ASNS: variants seen among roughly 807,000 people sequenced by gnomAD.
The protein encoded by ASNS is asparagine synthetase [glutamine-hydrolyzing].
In ASNS, 37 loss-of-function variants were observed where a neutral mutation model predicts 62.6. The ratio of observed to expected loss-of-function variants is 0.59; its 90% CI spans 0.45 to 0.78. The LOEUF is 0.78. Among genes scored for constraint, ASNS ranks in the 30% least tolerant of loss-of-function variants. The probability of loss-of-function intolerance (pLI) is 0.00; values close to 1 mark genes in which losing one functional copy is unlikely to be tolerated. For missense variants in ASNS, 520 were observed against 682.4 expected (o/e 0.76, Z 2.65); for synonymous variants, 207 against 237.9 (o/e 0.87, Z 1.19).
At chr7:97,896,739 C>CATATATATAT in the ASNS span, among the ~76,000 whole-genome samples, 142 of 31,954 alleles carry the variant, frequency 4.4e-3, no homozygotes, top group Middle Eastern at 0.026. Flanking sequence ...CACACACACA[C>CATATATATAT]ACATATATAT....
rs1791859131 is a variant in ASNS at position 97,864,347 on chromosome 7, C to T, written c.399G>A (p.Val133=). ...FVLLDTANKK[V]FLGRDTYGVR... ...CTCCATATGTATCTCTACCCAGGAACACTTTCTTATTGGCAGTATCCAGTA... is the reference window on the plus strand; with the variant it reads ...CTCCATATGTATCTCTACCCAGGAATACTTTCTTATTGGCAGTATCCAGTA... The change falls in exon 4 of 13, where the codon GTG becomes GTA. Residue 133 remains valine (V), a synonymous_variant. Transcript: ENST00000394308. 2 of 1,613,734 alleles carry T rather than the reference C, an allele frequency of 1.2e-6. No homozygotes were observed. The highest frequency in any genetic ancestry group is 1.1e-5 in the South Asian group (1 of 91,084).
intron 12 of ASNS, 93 bp from the exon 13 acceptor site, chr7:97,852,561 G>A (rs556507985): frequency 9.7e-6 from 12 of 1,242,662 alleles, no homozygotes; most frequent in South Asian, 2.6e-5. Flanking sequence ...ATGTTAAGAC[G>A]TGACTGTAAC....
intron 4 of ASNS, chr7:97,863,918 A>T: frequency 4.6e-6 from 1 of 215,520 alleles, no homozygotes; most frequent in Non-Finnish European, 9.2e-6. Flanking sequence ...CTGTGCTATA[A>T]CTGCGCAAAG....
chr7:97,861,400 G>A (rs1791712761), intron 4 of ASNS, among the ~76,000 whole-genome samples: 1 of 152,086 alleles, frequency 6.6e-6, no homozygotes, highest in African/African-American at 2.4e-5. Flanking sequence ...ATATCTGGTT[G>A]CCCCTGTGCC....
At chr7:97,894,480 C>CAAA in the ASNS span, among the ~76,000 whole-genome samples, 222 of 36,470 alleles carry the variant, frequency 6.1e-3, no homozygotes, top group Non-Finnish European at 7.5e-3. Flanking sequence ...TGAGGCTAAC[C>CAAA]AAAAAAAAAA....
chr7:97,859,593 A>G (rs1166689707), intron 4 of ASNS, among the ~76,000 whole-genome samples, 195 bp from the exon 5 acceptor site: 1 of 152,346 alleles, frequency 6.6e-6, no homozygotes, highest in East Asian at 1.9e-4. Context: ...CAATAATGGC[A>G]CAGGGATATA....
At chr7:97,909,204 C>T in the ASNS span, among the ~76,000 whole-genome samples, 1 of 150,660 alleles carries the variant, frequency 6.6e-6, no homozygotes, top group Non-Finnish European at 1.5e-5. Context: ...CTTCCTCCAG[C>T]ATTGGTATCC....
At chr7:97,867,912 A>G (rs546120215) in intron 3 of ASNS, among the ~76,000 whole-genome samples, 12 of 152,354 alleles carry the variant, frequency 7.9e-5, no homozygotes, top group African/African-American at 1.9e-4. Context: ...CCAAAATGTG[A>G]TTAGGATGTA....
the ASNS span, among the ~76,000 whole-genome samples, chr7:97,927,099 T>G: frequency 9.4e-6 from 1 of 106,728 alleles, no homozygotes; most frequent in African/African-American, 3.6e-5. Context: ...TTTTTTTTTT[T>G]GGTAGATATG....
chr7:97,891,404 C>A, the ASNS span, among the ~76,000 whole-genome samples: 3 of 152,202 alleles, frequency 2.0e-5, no homozygotes, highest in Non-Finnish European at 4.4e-5. Context: ...CTTCCCAAAT[C>A]TCATATCCTC....
chr7:97,916,152 T>G, the ASNS span, among the ~76,000 whole-genome samples: 230 of 139,034 alleles, frequency 1.7e-3, no homozygotes, highest in South Asian at 3.6e-3. Flanking sequence ...GGAGGCCGAG[T>G]TGGATCACCT....
At chr7:97,856,165 G>T (rs1438193949) in intron 8 of ASNS, among the ~76,000 whole-genome samples, 2 of 152,138 alleles carry the variant, frequency 1.3e-5, no homozygotes, top group African/African-American at 2.4e-5. Flanking sequence ...TCTCTCAAGG[G>T]AGGCAGTAGC....
At position 97,869,093 on chromosome 7, in the gene ASNS, T is replaced by C. The variant is rs536609342; in HGVS notation, c.64A>G (p.Met22Val). ...TCTGGACCTCTGTGTGCAATCTTCA[T>C]AGCACTCAGACACTGAACAGAAAGG... The part of the protein sequence containing the change: ...DCLSVQCLSA[M>V]KIAHRGPDAF... Residue 22 changes from methionine to valine, a missense_variant, in exon 3 of 13, where the codon ATG (methionine) becomes GTG (valine). Met to Val is a conservative substitution (Grantham distance 21). Transcript: ENST00000394308. The C allele has an allele frequency of 1.4e-5, 22 of 1,614,236 alleles. 1 individual carries two copies. The South Asian group carries it at 2.0e-4, about 15-fold the overall frequency.
chr7:97,896,748 A>ATATATATATG, the ASNS span, among the ~76,000 whole-genome samples: 1 of 79,884 alleles, frequency 1.3e-5, no homozygotes, highest in Non-Finnish European at 2.6e-5. Flanking sequence ...ACACATATAT[A>ATATATATATG]TATATATATA....
At chr7:97,860,626 A>G (rs1206642307) in intron 4 of ASNS, among the ~76,000 whole-genome samples, 2 of 152,218 alleles carry the variant, frequency 1.3e-5, no homozygotes, top group African/African-American at 4.8e-5. Context: ...GCTTCAGCCA[A>G]TATTAAATCT....
chr7:97,915,730 C>T, the ASNS span, among the ~76,000 whole-genome samples: 1 of 151,760 alleles, frequency 6.6e-6, no homozygotes, highest in Admixed American at 6.6e-5. Context: ...GAAGAAAGAG[C>T]CCGATATGCA....
intron 3 of ASNS, among the ~76,000 whole-genome samples, chr7:97,865,769 A>G (rs530316465): frequency 2.0e-5 from 3 of 152,236 alleles, no homozygotes; most frequent in Non-Finnish European, 4.4e-5. Context: ...GATAATGCAC[A>G]TAAGTCCCAT....
chr7:97,918,163 C>T, the ASNS span, among the ~76,000 whole-genome samples: 1 of 152,092 alleles, frequency 6.6e-6, no homozygotes, highest in Non-Finnish European at 1.5e-5. Flanking sequence ...AGGGTGCAGA[C>T]TGGTGTGAGT....
the ASNS span, among the ~76,000 whole-genome samples, chr7:97,926,104 C>T: frequency 5.4e-5 from 8 of 148,326 alleles, 1 homozygote; most frequent in South Asian, 1.3e-3. Flanking sequence ...ACTTGGCACT[C>T]AGGGTCTCCT....
Sources: gnomAD v4.1 joint callset for allele counts (sites outside exome capture counted in the v4.1 genomes callset) on GRCh38, gnomAD v4.1.1 for gene constraint, MANE v1.5 for transcripts, NCBI Gene and HGNC (gene_info 2026-07-23, HGNC 2026-07-21) for gene names.